CHM: variants seen among roughly 807,000 people sequenced by gnomAD.
The protein encoded by CHM is rab proteins geranylgeranyltransferase component A 1.
CHM carries 10 observed loss-of-function variants against 49.0 expected under a neutral mutation model. The ratio of observed to expected loss-of-function variants is 0.20; its 90% CI spans 0.13 to 0.35. The LOEUF (loss-of-function observed/expected upper bound fraction) is 0.35. CHM is among the 10% of genes least tolerant of loss of function. The pLI is 1.00. For missense variants in CHM, 455 were observed against 478.4 expected (o/e 0.95, Z 0.46); for synonymous variants, 184 against 167.5 (o/e 1.10, Z -0.76).
chrX:85,864,528 T>C lies in CHM; in HGVS notation c.*102A>G. The stretch of plus-strand genomic sequence containing the variant: ...TTCTATTACCTATTTTGCCTTATAA[T>C]TGCTGCTGCTTTCTAACATTTCTCA... On this transcript the variant is annotated 3_prime_UTR_variant, in exon 15 of 15. Transcript: ENST00000357749. 1 of 737,166 alleles carries C rather than the reference T, an allele frequency of 1.4e-6. No individual in the cohort carries two copies. The highest frequency in any genetic ancestry group is 2.3e-5 in the South Asian group (1 of 43,804). 60.8% of individuals were successfully genotyped at this position (737,166 alleles called of 1,213,427 possible). A position where few individuals can be genotyped will look rare whatever the true frequency, so the allele number is the denominator to read the frequency against.
chrX:86,009,836 A>G (rs1263243995), intron 2 of CHM, among the ~76,000 whole-genome samples: 5 of 111,135 alleles, frequency 4.5e-5, no homozygotes, highest in African/African-American at 1.6e-4. Flanking sequence ...ATCATGGGGA[A>G]GATGATCTGA....
intron 2 of CHM, among the ~76,000 whole-genome samples, chrX:85,993,214 A>G (rs1474584077): frequency 9.0e-6 from 1 of 111,382 alleles, no homozygotes; most frequent in Admixed American, 9.5e-5. Context: ...TTTAATCTCT[A>G]CATGTCCAAA....
chrX:85,883,100 A>C (rs1924859919), intron 12 of CHM, among the ~76,000 whole-genome samples: 1 of 111,645 alleles, frequency 9.0e-6, no homozygotes, highest in African/African-American at 3.2e-5. Context: ...GTGAATGTAA[A>C]ACCTAAGTAA....
chrX:85,927,958 T>C (rs1389122355), intron 8 of CHM, among the ~76,000 whole-genome samples: 2 of 112,550 alleles, frequency 1.8e-5, no homozygotes, highest in Admixed American at 1.9e-4. Flanking sequence ...ATTTATGAGT[T>C]TGTATATAAT....
chrX:85,971,616 G>T, intron 4 of CHM: 1 of 291,919 alleles, frequency 3.4e-6, no homozygotes. Context: ...AAGATTTATT[G>T]CAAAGAGCAA....
intron 7 of CHM, among the ~76,000 whole-genome samples, chrX:85,957,284 A>G (rs1245258016): frequency 8.9e-6 from 1 of 111,872 alleles, no homozygotes; most frequent in East Asian, 2.8e-4. Context: ...TCAATTTTTA[A>G]CAGACAATGA....
At chrX:85,877,424 C>T (rs759543950) in intron 13 of CHM, among the ~76,000 whole-genome samples, 6 of 110,992 alleles carry the variant, frequency 5.4e-5, no homozygotes, top group African/African-American at 9.8e-5. Flanking sequence ...GAGTGTACAA[C>T]GATGGTTATC....
chrX:86,007,136 C>G (rs1190102457), intron 2 of CHM, among the ~76,000 whole-genome samples: 6 of 111,738 alleles, frequency 5.4e-5, no homozygotes, highest in Non-Finnish European at 1.1e-4. Context: ...CTTTGATAAA[C>G]CTGACAAAAA....
intron 8 of CHM, among the ~76,000 whole-genome samples, chrX:85,953,779 G>T (rs1396765348): frequency 1.8e-5 from 2 of 111,828 alleles, no homozygotes; most frequent in African/African-American, 6.5e-5. Flanking sequence ...AATCAAAATG[G>T]ATTAAAGAAT....
intron 2 of CHM, among the ~76,000 whole-genome samples, chrX:86,012,533 C>A (rs1443335139): frequency 1.8e-5 from 2 of 111,691 alleles, no homozygotes; most frequent in Non-Finnish European, 3.8e-5. Context: ...TGTTGAAACT[C>A]ATTTTACAAC....
chrX:85,888,203 G>A, intron 12 of CHM, among the ~76,000 whole-genome samples: 1 of 111,784 alleles, frequency 8.9e-6, no homozygotes, highest in East Asian at 2.8e-4. Context: ...CCTGCTGTGT[G>A]AAGCCTAAGG....
chrX:85,935,013 A>C (rs921359505), intron 8 of CHM, among the ~76,000 whole-genome samples: 2 of 111,961 alleles, frequency 1.8e-5, no homozygotes, highest in African/African-American at 6.5e-5. Flanking sequence ...ACTGATATAA[A>C]GGAATACCTC....
intron 8 of CHM, among the ~76,000 whole-genome samples, chrX:85,914,658 G>A (rs1344328334): frequency 9.0e-6 from 1 of 110,836 alleles, no homozygotes; most frequent in Non-Finnish European, 1.9e-5. Context: ...CACACTGGGA[G>A]CCCTTCCCTC....
intron 8 of CHM, among the ~76,000 whole-genome samples, chrX:85,948,628 T>A (rs1929549691): frequency 8.9e-6 from 1 of 112,066 alleles, no homozygotes; most frequent in Non-Finnish European, 1.9e-5. Flanking sequence ...ATCCTTCACA[T>A]AAATATGCAT....
chrX:85,907,537 C>A (rs1445301247), intron 9 of CHM, among the ~76,000 whole-genome samples: 1 of 112,427 alleles, frequency 8.9e-6, no homozygotes. Context: ...ACCACTGATG[C>A]ATACCTACAT....
At chrX:85,949,046 G>A (rs1603259910) in intron 8 of CHM, among the ~76,000 whole-genome samples, 3 of 111,100 alleles carry the variant, frequency 2.7e-5, no homozygotes, top group South Asian at 3.8e-4. Context: ...ATGAGCCACC[G>A]CACCCGGCAG....
At chrX:86,009,485 C>G (rs1932966123) in intron 2 of CHM, among the ~76,000 whole-genome samples, 1 of 112,231 alleles carries the variant, frequency 8.9e-6, no homozygotes, top group Admixed American at 9.5e-5. Flanking sequence ...AAAGCTTATG[C>G]TAGGGGAAGC....
chrX:86,017,509 G>A (rs918097632), intron 2 of CHM, among the ~76,000 whole-genome samples: 5 of 111,263 alleles, frequency 4.5e-5, no homozygotes, highest in East Asian at 5.7e-4. Flanking sequence ...TTTAGCAGGC[G>A]TTTCCACTTT....
At chrX:85,882,899 C>G (rs973237644) in intron 12 of CHM, among the ~76,000 whole-genome samples, 5 of 110,918 alleles carry the variant, frequency 4.5e-5, no homozygotes, top group African/African-American at 1.6e-4. Flanking sequence ...TACGTCAGCT[C>G]TCTATATCTA....
Sources: allele counts gnomAD v4.1 joint callset (sites outside exome capture counted in the v4.1 genomes callset), GRCh38; gene constraint gnomAD v4.1.1; transcripts MANE v1.5; gene names NCBI Gene and HGNC (gene_info 2026-07-23, HGNC 2026-07-21).